The following TEX22 variants were observed in gnomAD, a reference collection of about 807,000 sequenced individuals.
The protein encoded by TEX22 is testis-expressed protein 22.
A neutral mutation model predicts 11.3 loss-of-function variants in TEX22; 16 were observed. The observed-to-expected ratio is 1.42, with a 90% CI of 0.96 to 2.15. The LOEUF (loss-of-function observed/expected upper bound fraction) is 2.15. TEX22 is among the 30% of genes most tolerant of loss of function. The pLI, the probability that TEX22 is intolerant of heterozygous loss-of-function variation, is 0.00. For synonymous variants in TEX22, 97 were observed against 92.3 expected (o/e 1.05, Z -0.29); for missense variants, 220 against 208.6 (o/e 1.05, Z -0.34).
chr14:105,412,108 TC>T lies in TEX22; in HGVS notation c.*276del. On this transcript the variant is annotated 3_prime_UTR_variant, in exon 4 of 4. Transcript: ENST00000451127. This position sits in a 1 kb window ranked among gnomAD's most constrained non-coding sequence, Gnocchi z 5.8. The stretch of plus-strand genomic sequence containing the variant: ...AGGCCTGGGTAGCAGGAGCTTGCCC[TC>T]GGGGCCGCTGGGAGGAGGCCTGGGG... 3.1e-6 allele frequency: 1 copy of T among 321,018 alleles called. No individual in the cohort carries two copies. Among genetic ancestry groups the T allele is most frequent in the Non-Finnish European group, 5.7e-6 (1 of 175,268 alleles). The allele number at this position is 321,018 out of a possible 1,614,324, so 19.9% of individuals were successfully genotyped here. A position where few individuals can be genotyped will look rare whatever the true frequency, so the allele number is the denominator to read the frequency against.
intron 2 of TEX22, among the ~76,000 whole-genome samples, chr14:105,407,627 C>T (rs2081665114): frequency 1.3e-5 from 2 of 152,180 alleles, no homozygotes. Flanking sequence ...GCCTAGGCCT[C>T]CCAAAGTGTT....
At chr14:105,398,868 TGGAG>T (rs1422858891) in intron 1 of TEX22, among the ~76,000 whole-genome samples, 1 of 151,932 alleles carries the variant, frequency 6.6e-6, no homozygotes, top group Non-Finnish European at 1.5e-5. Flanking sequence ...CTGGGCCGCG[TGGAG>T]GGGAGGTCTC....
Position 105,404,404 on chromosome 14 carries a change from A to G in TEX22, c.150+4914A>G, listed in dbSNP as rs147148662. 5.9e-5 allele frequency among the ~76,000 whole-genome samples: 9 copies of G among 152,336 alleles called. No homozygotes were observed. The East Asian group carries it at 1.7e-3, about 29-fold the overall frequency. On this transcript the variant is annotated intron_variant, in intron 2 of 3. Coordinates refer to ENST00000451127, the MANE Select transcript of TEX22 (RefSeq NM_001195082.2). ...TTTCTACAGTATCCGTTTTGGATAC[A>G]CTGGTCATCCTATTTAGTGTGAGAG...
chr14:105,406,538 C>A (rs1359407263), intron 2 of TEX22, among the ~76,000 whole-genome samples: 1 of 151,694 alleles, frequency 6.6e-6, no homozygotes, highest in Admixed American at 6.6e-5. Context: ...ATAGTGAAAC[C>A]CTATCTCTGC....
At chr14:105,402,350 G>A (rs1451710795) in intron 2 of TEX22, among the ~76,000 whole-genome samples, 1 of 152,160 alleles carries the variant, frequency 6.6e-6, no homozygotes, top group African/African-American at 2.4e-5. Context: ...GAGGGAGTTT[G>A]GATATGTGAT....
At chr14:105,400,562 G>A (rs2081621368) in intron 2 of TEX22, among the ~76,000 whole-genome samples, 1 of 152,158 alleles carries the variant, frequency 6.6e-6, no homozygotes, top group Non-Finnish European at 1.5e-5. Flanking sequence ...TGTGGATGCA[G>A]GAGGAGTGTG....
At position 105,411,036 on chromosome 14, in the gene TEX22, G is replaced by A. The variant is rs137888804; in HGVS notation, c.151-332G>A. On this transcript the variant is annotated intron_variant, in intron 2 of 3. Coordinates refer to ENST00000451127, the MANE Select transcript of TEX22 (RefSeq NM_001195082.2). ...CTTAGTCCTGCCTTTCCTGAGGCAC[G>A]CATCAGTGCTCGAGCTCCGGGGGTT... Among the ~76,000 whole-genome samples, 737 of 152,360 alleles carry A rather than the reference G, an allele frequency of 4.8e-3. 3 individuals carry two copies. Among genetic ancestry groups the A allele is most frequent in the Non-Finnish European group, 8.2e-3 (561 of 68,026 alleles).
intron 2 of TEX22, among the ~76,000 whole-genome samples, chr14:105,400,294 G>T (rs1260736176): frequency 6.6e-6 from 1 of 152,220 alleles, no homozygotes; most frequent in Non-Finnish European, 1.5e-5. Context: ...AGGCCCCTTT[G>T]TACCCTCTCA....
intron 3 of TEX22, 29 bp downstream of exon 3, chr14:105,411,525 C>CCGGGGGGG: frequency 3.8e-6 from 4 of 1,056,550 alleles, no homozygotes; most frequent in Non-Finnish European, 4.6e-6. Flanking sequence ...CTCCCCGCCC[C>CCGGGGGGG]GTCCCCGCCC....
intron 2 of TEX22, among the ~76,000 whole-genome samples, chr14:105,405,695 T>C (rs2081655276): frequency 6.6e-6 from 1 of 152,284 alleles, no homozygotes. Context: ...TGTTCCTGAG[T>C]GAAAGAGGCA....
In TEX22 at chr14:105,399,454, G is replaced by C. The variant is rs1400801349; in HGVS notation, c.114G>C (p.Gln38His). ...LIAAWGQPSI[Q>H]SSVQQGLQTQ... ...CAGCCTGGGGCCAGCCCAGTATCCA[G>C]AGCAGCGTTCAGCAGGGACTGCAGA... Residue 38 changes from glutamine (Q) to histidine (H), a missense_variant, in exon 2 of 4, where the codon CAG becomes CAC. Transcript: ENST00000451127. 1.3e-6 allele frequency: 2 copies of C among 1,535,502 alleles called. No individual in the cohort carries two copies. The highest frequency in any genetic ancestry group is 1.4e-5 in the African/African-American group (1 of 72,952).
intron 2 of TEX22, among the ~76,000 whole-genome samples, chr14:105,402,903 G>A (rs1278271070): frequency 3.9e-5 from 6 of 152,154 alleles, no homozygotes; most frequent in Non-Finnish European, 7.4e-5. Context: ...TTGAGACAGG[G>A]TCTTGCTCTG....
At chr14:105,403,082 G>T (rs145366059) in intron 2 of TEX22, among the ~76,000 whole-genome samples, 1 of 152,274 alleles carries the variant, frequency 6.6e-6, no homozygotes, top group Non-Finnish European at 1.5e-5. Flanking sequence ...GCAGAGCAGG[G>T]CATCCTCAAC....
At chr14:105,411,271 C>G (rs1555419304) in intron 2 of TEX22, 97 bp from the exon 3 acceptor site, 1 of 1,195,662 alleles carries the variant, frequency 8.4e-7, no homozygotes, top group Non-Finnish European at 1.0e-6. Flanking sequence ...TTAGAAAGCG[C>G]CCGGGGGCGA....
At position 105,411,908 on chromosome 14, in the gene TEX22, T is replaced by G. The variant is rs587738683; in HGVS notation, c.*75T>G. 2 of 1,338,382 alleles carry G rather than the reference T, an allele frequency of 1.5e-6. No homozygotes were observed. Among genetic ancestry groups the G allele is most frequent in the South Asian group, 3.2e-5 (2 of 63,044 alleles). The allele number at this position is 1,338,382 out of a possible 1,614,324, so 82.9% of individuals were successfully genotyped here. ...CCACGGTGGGGGCAGCCTCTGCGCC[T>G]TCTTTGTGCCCCACCAGGGGGTCAC... On this transcript the variant is annotated 3_prime_UTR_variant, in exon 4 of 4. Transcript: ENST00000451127.
rs2081612032 is a variant in TEX22, at chr14:105,399,498, G to A, written c.150+8G>A. On this transcript the variant is annotated splice_region_variant and intron_variant, in intron 2 of 3. Transcript: ENST00000451127. ...CTGCAGACTCAGGACTGGGTAAGCG[G>A]AAGGAAACCCTGGCCGAGGCTACTC... is the stretch of plus-strand genomic sequence containing the variant. 1.3e-6 allele frequency: 2 copies of A among 1,523,494 alleles called. No individual in the cohort carries two copies. Among genetic ancestry groups the A allele is most frequent in the South Asian group, 1.2e-5 (1 of 83,452 alleles). 94.4% of individuals were successfully genotyped at this position (1,523,494 alleles called of 1,614,324 possible).
chr14:105,399,357 T>C lies in TEX22; in HGVS notation c.17T>C (p.Leu6Pro), dbSNP rs1452925261. MDSRK[L>P]SPRGKKLESH... ...GGGCTAGAGATGGACAGCAGGAAACTGTCCCCCCGGGGGAAGAAGCTGGAG... is the reference window on the plus strand; with the variant it reads ...GGGCTAGAGATGGACAGCAGGAAACCGTCCCCCCGGGGGAAGAAGCTGGAG... Residue 6 changes from leucine to proline, a missense_variant, in exon 2 of 4, where the codon CTG (leucine) becomes CCG (proline). Leu to Pro is a moderately conservative substitution (Grantham distance 98). Coordinates refer to ENST00000451127, the MANE Select transcript of TEX22 (RefSeq NM_001195082.2). The C allele has an allele frequency of 6.8e-7, 1 of 1,467,634 alleles. No homozygotes were observed. Among genetic ancestry groups the C allele is most frequent in the Non-Finnish European group, 9.1e-7 (1 of 1,103,726 alleles). The allele number at this position is 1,467,634 out of a possible 1,614,324, so 90.9% of individuals were successfully genotyped here.
intron 1 of TEX22, among the ~76,000 whole-genome samples, chr14:105,399,005 A>G (rs1451132009): frequency 1.3e-5 from 2 of 152,204 alleles, no homozygotes; most frequent in African/African-American, 4.8e-5. Context: ...GGAACGTTTG[A>G]GAAGGCTGGC....
intron 2 of TEX22, among the ~76,000 whole-genome samples, chr14:105,400,585 A>T (rs1297151993): frequency 1.3e-5 from 2 of 152,028 alleles, no homozygotes; most frequent in Non-Finnish European, 2.9e-5. Context: ...TTGGACCCAT[A>T]TCCAGCAAGG....
Sources: gnomAD v4.1 joint callset for allele counts (sites outside exome capture counted in the v4.1 genomes callset) on GRCh38, gnomAD v4.1.1 for gene constraint, Gnocchi (gnomAD v3.1) non-coding constraint, MANE v1.5 for transcripts, NCBI Gene and HGNC (gene_info 2026-07-23, HGNC 2026-07-21) for gene names.